Variants in ERC2 observed in about 807,000 individuals in gnomAD.
ERC2 encodes ERC protein 2.
In ERC2, 42 loss-of-function variants were observed where a neutral mutation model predicts 114.8. That is an observed-to-expected ratio of 0.37 (90% CI 0.29 to 0.47). The LOEUF is 0.47. ERC2 is among the 20% of genes least tolerant of loss of function. The pLI, the probability that ERC2 is intolerant of heterozygous loss-of-function variation, is 0.99. For synonymous variants in ERC2, 454 were observed against 425.5 expected (o/e 1.07, Z -0.82); for missense variants, 939 against 1,150.7 (o/e 0.82, Z 2.66).
intron 13 of ERC2, among the ~76,000 whole-genome samples, chr3:55,901,169 C>T (rs1450663405): frequency 6.6e-6 from 1 of 152,182 alleles, no homozygotes; most frequent in Non-Finnish European, 1.5e-5. Context: ...TTTTGTTTCA[C>T]TGGAGTAGAA....
intron 14 of ERC2, among the ~76,000 whole-genome samples, chr3:55,791,625 T>G (rs966936715): frequency 2.0e-5 from 3 of 152,132 alleles, no homozygotes; most frequent in Non-Finnish European, 4.4e-5. Context: ...TTTCAAGACA[T>G]GCAAAAATCC....
intron 8 of ERC2, among the ~76,000 whole-genome samples, chr3:56,012,437 T>A (rs1193395747): frequency 6.6e-6 from 1 of 152,124 alleles, no homozygotes; most frequent in Non-Finnish European, 1.5e-5. Flanking sequence ...CAGCCCCACT[T>A]TCAAGAGGGC....
At chr3:55,804,228 T>C (rs572670185) in intron 14 of ERC2, among the ~76,000 whole-genome samples, 3 of 152,296 alleles carry the variant, frequency 2.0e-5, no homozygotes, top group African/African-American at 7.2e-5. Flanking sequence ...GCCACAATTA[T>C]CTGGTTCATT....
intron 15 of ERC2, among the ~76,000 whole-genome samples, chr3:55,713,675 G>A (rs987739433): frequency 6.6e-6 from 1 of 152,156 alleles, no homozygotes; most frequent in East Asian, 1.9e-4. Flanking sequence ...GTTTTCAAAG[G>A]CTTTGTATAA....
At chr3:55,709,238 C>A (rs1045414973) in intron 15 of ERC2, among the ~76,000 whole-genome samples, 1 of 151,946 alleles carries the variant, frequency 6.6e-6, no homozygotes, top group African/African-American at 2.4e-5. Context: ...GCAGCGCCCT[C>A]CGAAAGAGGC....
intron 3 of ERC2, among the ~76,000 whole-genome samples, chr3:56,182,847 A>G (rs897385916): frequency 2.6e-5 from 4 of 152,144 alleles, no homozygotes; most frequent in African/African-American, 9.7e-5. Flanking sequence ...TCTTTTCTTC[A>G]GTATTTGAAA....
At chr3:56,139,483 T>C in intron 6 of ERC2, 26 bp downstream of exon 6, 1 of 1,597,898 alleles carries the variant, frequency 6.3e-7, no homozygotes, top group Non-Finnish European at 8.5e-7. Flanking sequence ...GTCTCTGCTG[T>C]CTAGAATCCT....
At chr3:55,945,467 G>A (rs1277875880) in intron 13 of ERC2, among the ~76,000 whole-genome samples, 1 of 152,180 alleles carries the variant, frequency 6.6e-6, no homozygotes, top group Non-Finnish European at 1.5e-5. Flanking sequence ...AAAAATTGCT[G>A]CTTAAGATAT....
At chr3:56,179,135 AG>A (rs2083147104) in intron 3 of ERC2, among the ~76,000 whole-genome samples, 1 of 152,202 alleles carries the variant, frequency 6.6e-6, no homozygotes, top group South Asian at 2.1e-4. Flanking sequence ...CTGCATTCAA[AG>A]CCGTCGTGGT....
intron 3 of ERC2, among the ~76,000 whole-genome samples, chr3:56,267,016 T>C (rs970937587): frequency 6.6e-6 from 1 of 152,166 alleles, no homozygotes; most frequent in African/African-American, 2.4e-5. Context: ...ACATACAGGT[T>C]GAGAATCCCT....
chr3:56,252,050 G>C (rs2052195532), intron 3 of ERC2, among the ~76,000 whole-genome samples: 1 of 152,134 alleles, frequency 6.6e-6, no homozygotes, highest in Non-Finnish European at 1.5e-5. Context: ...TGTAACCCGA[G>C]GGCTGGGTGA....
At chr3:55,741,973 A>T (rs2065987155) in intron 14 of ERC2, among the ~76,000 whole-genome samples, 1 of 152,188 alleles carries the variant, frequency 6.6e-6, no homozygotes, top group African/African-American at 2.4e-5. Flanking sequence ...TTTAGTCAGG[A>T]TTAACAGTGG....
intron 3 of ERC2, among the ~76,000 whole-genome samples, chr3:56,282,678 G>GTGCTGCTGCTGC (rs57092549): frequency 0.021 from 3,109 of 151,202 alleles, 109 homozygotes; most frequent in African/African-American, 0.069. Flanking sequence ...TCTAACAGTG[G>GTGCTGCTGCTGC]TGCTGCTGCT....
chr3:55,898,248 GA>G (rs1002223729), intron 13 of ERC2, among the ~76,000 whole-genome samples: 2 of 152,136 alleles, frequency 1.3e-5, no homozygotes, highest in African/African-American at 4.8e-5. Flanking sequence ...AGTTCCTCAA[GA>G]AAAAGGCTGT....
intron 15 of ERC2, among the ~76,000 whole-genome samples, chr3:55,714,665 GTGTATATATATATATATATATA>G (rs1156492170): frequency 0.069 from 2,519 of 36,660 alleles, 146 homozygotes; most frequent in Admixed American, 0.33. Context: ...GTGTGTGTGT[GTGTATATATATATATATATATA>G]TATATATATA....
chr3:56,395,076 A>G (rs1423640101), intron 2 of ERC2, among the ~76,000 whole-genome samples: 2 of 152,076 alleles, frequency 1.3e-5, no homozygotes, highest in East Asian at 3.9e-4. Context: ...AATTTATATT[A>G]TATACTCCTA....
At chr3:56,187,079 G>A (rs556890372) in intron 3 of ERC2, among the ~76,000 whole-genome samples, 6 of 152,302 alleles carry the variant, frequency 3.9e-5, no homozygotes, top group Admixed American at 3.3e-4. Context: ...TCTAACCTGA[G>A]CCTGGACTTG....
At chr3:55,760,618 T>A (rs994798912) in intron 14 of ERC2, among the ~76,000 whole-genome samples, 1 of 152,140 alleles carries the variant, frequency 6.6e-6, no homozygotes, top group Non-Finnish European at 1.5e-5. Context: ...ATCACAACAG[T>A]AGAGAAAGTC....
At chr3:56,177,544 A>C (rs1197538677) in intron 3 of ERC2, among the ~76,000 whole-genome samples, 1 of 152,206 alleles carries the variant, frequency 6.6e-6, no homozygotes. Context: ...GGAGGAGTGG[A>C]TTCTTTCTGG....
Sources: gnomAD v4.1 joint callset for allele counts (sites outside exome capture counted in the v4.1 genomes callset) on GRCh38, gnomAD v4.1.1 for gene constraint, MANE v1.5 for transcripts, NCBI Gene and HGNC (gene_info 2026-07-23, HGNC 2026-07-21) for gene names.